GNPTAB: variants seen among roughly 807,000 people sequenced by gnomAD.
GNPTAB encodes N-acetylglucosamine-1-phosphate transferase subunits alpha and beta.
In GNPTAB, 92 loss-of-function variants were observed where a neutral mutation model predicts 136.6. The ratio of observed to expected loss-of-function variants is 0.67; its 90% CI spans 0.57 to 0.80. GNPTAB has a LOEUF of 0.80. GNPTAB is among the 30% of genes least tolerant of loss of function. The pLI, the probability that GNPTAB is intolerant of heterozygous loss-of-function variation, is 0.00. For missense variants in GNPTAB, 1,343 were observed against 1,501.8 expected (o/e 0.89, Z 1.75); for synonymous variants, 512 against 535.1 (o/e 0.96, Z 0.60).
At chr12:101,752,972 G>A (rs1952841939) in intron 19 of GNPTAB, among the ~76,000 whole-genome samples, 1 of 152,114 alleles carries the variant, frequency 6.6e-6, no homozygotes, top group African/African-American at 2.4e-5. Flanking sequence ...AGAAATTTTG[G>A]CCGAGCATGG....
In GNPTAB at chr12:101,746,304, T is replaced by C. The variant is rs568493308; in HGVS notation, c.*860A>G. 1 of 152,308 alleles carries C rather than the reference T, an allele frequency of 6.6e-6. No homozygotes were observed. The highest frequency in any genetic ancestry group is 1.9e-4 in the East Asian group (1 of 5,190). The allele number at this position is 152,308 out of a possible 1,614,324, so 9.4% of individuals were successfully genotyped here. ...TCTATCAAAAACCAACTGAGAGAGA[T>C]AGCTACTGGAATATACCAATGAGTA... On this transcript the variant is annotated 3_prime_UTR_variant, in exon 21 of 21. Coordinates refer to ENST00000299314, the MANE Select transcript of GNPTAB (RefSeq NM_024312.5).
At position 101,773,358 on chromosome 12, in the gene GNPTAB, T is replaced by C. The variant is rs1953210340; in HGVS notation, c.772-2201A>G. The stretch of plus-strand genomic sequence containing the variant: ...AAGCACATTTCCTTGGTATGCAGAA[T>C]GCTCGGATCCTGCTTATACATTTTC... On this transcript the variant is annotated intron_variant, in intron 7 of 20. Coordinates refer to ENST00000299314, the MANE Select transcript of GNPTAB (RefSeq NM_024312.5). The C allele has an allele frequency of 1.3e-5, 4 of 300,684 alleles. 1 individual carries two copies. The highest frequency in any genetic ancestry group is 6.6e-6 in the Non-Finnish European group (1 of 152,014). 18.6% of individuals were successfully genotyped at this position (300,684 alleles called of 1,614,324 possible).
intron 1 of GNPTAB, 47 bp from the exon 2 acceptor site, chr12:101,796,809 G>C (rs1222748120): frequency 8.4e-7 from 1 of 1,184,856 alleles, no homozygotes; most frequent in African/African-American, 1.5e-5. Flanking sequence ...AAGACTAAGA[G>C]TATATAACTT....
In GNPTAB at chr12:101,757,198, A is replaced by G. The variant is rs764517026; in HGVS notation, c.3434+14T>C. 7.5e-7 allele frequency: 1 copy of G among 1,338,534 alleles called. No homozygotes were observed. The highest frequency in any genetic ancestry group is 1.1e-6 in the Non-Finnish European group (1 of 931,718). The allele number at this position is 1,338,534 out of a possible 1,614,324, so 82.9% of individuals were successfully genotyped here. On this transcript the variant is annotated intron_variant, in intron 18 of 20. Coordinates refer to ENST00000299314, the MANE Select transcript of GNPTAB (RefSeq NM_024312.5). ...TTATTTGCATAATTAAAAATTATAT[A>G]TAAAAATCAGTACCTAGGGTTTTTT...
At chr12:101,814,183 C>T (rs528632224) in intron 1 of GNPTAB, among the ~76,000 whole-genome samples, 1 of 152,094 alleles carries the variant, frequency 6.6e-6, no homozygotes, top group African/African-American at 2.4e-5. Flanking sequence ...CCTGTAGTCC[C>T]AGCTACCGGT....
At chr12:101,824,430 A>AT (rs1186690337) in intron 1 of GNPTAB, among the ~76,000 whole-genome samples, 916 of 78,678 alleles carry the variant, frequency 0.012, 12 homozygotes, top group Non-Finnish European at 0.019. Flanking sequence ...ATATATATAT[A>AT]TATTTTCTTT....
At chr12:101,798,242 G>A (rs1869412887) in intron 1 of GNPTAB, among the ~76,000 whole-genome samples, 1 of 152,100 alleles carries the variant, frequency 6.6e-6, no homozygotes, top group African/African-American at 2.4e-5. Flanking sequence ...TGTCGCCCTG[G>A]TGGCTCCTTT....
intron 18 of GNPTAB, 80 bp from the exon 19 acceptor site, chr12:101,753,619 A>C (rs1325426211): frequency 1.8e-6 from 2 of 1,123,180 alleles, no homozygotes; most frequent in Non-Finnish European, 2.7e-6. Flanking sequence ...GATTCCAAAT[A>C]TATTTTAAAT....
intron 1 of GNPTAB, among the ~76,000 whole-genome samples, chr12:101,814,300 GA>G (rs537390944): frequency 9.2e-5 from 13 of 140,998 alleles, no homozygotes; most frequent in South Asian, 2.3e-4. Flanking sequence ...ACCCTGTCTT[GA>G]AAAAAAAAAA....
chr12:101,827,005 C>G (rs7964859), intron 1 of GNPTAB, among the ~76,000 whole-genome samples: 41,098 of 134,330 alleles, frequency 0.31, 6,302 homozygotes, highest in East Asian at 0.63. Context: ...GGCTGGAGTG[C>G]ATGGCACAAT....
intron 1 of GNPTAB, among the ~76,000 whole-genome samples, chr12:101,821,926 G>A (rs188923364): frequency 5.9e-5 from 9 of 152,036 alleles, no homozygotes; most frequent in Non-Finnish European, 1.2e-4. Flanking sequence ...GGTCACCCTG[G>A]GCCTACTCAC....
In GNPTAB at chr12:101,786,115, A is replaced by T. The variant is rs1382005715; in HGVS notation, c.468T>A (p.Ser156=). Residue 156 remains serine, a synonymous_variant, in exon 5 of 21, where the codon TCT becomes TCA. Transcript: ENST00000299314. ...TGGCAGAATGAAAAGAAGGATAAAG[A>T]GATGGCAGGTCCTTCAGGGTGATGT... is the stretch of plus-strand genomic sequence containing the variant. ...PANITLKDLP[S]LYPSFHSASD... 1 of 1,614,002 alleles carries T rather than the reference A, an allele frequency of 6.2e-7. No individual in the cohort carries two copies. The highest frequency in any genetic ancestry group is 8.5e-7 in the Non-Finnish European group (1 of 1,179,974).
chr12:101,752,083 T>C (rs1395374805), intron 19 of GNPTAB, among the ~76,000 whole-genome samples: 1 of 151,952 alleles, frequency 6.6e-6, no homozygotes, highest in Non-Finnish European at 1.5e-5. Context: ...CTAGTGATTA[T>C]TCCCACAGTA....
rs1594210932 is a variant in GNPTAB at position 101,761,288 on chromosome 12, G to A, written c.2974C>T (p.Gln992Ter). 2 of 1,613,958 alleles carry A rather than the reference G, an allele frequency of 1.2e-6. No individual in the cohort carries two copies. Among genetic ancestry groups the A allele is most frequent in the African/African-American group, 2.7e-5 (2 of 74,920 alleles). The change falls in exon 15 of 21, where the codon CAG becomes TAG. Residue 992 changes from glutamine (Q) to a stop codon, truncating the protein, a stop_gained. Transcript: ENST00000299314. LOFTEE classifies it high-confidence loss of function. Reference sequence around the variant, plus strand: ...TAATAAAAATAAGAGAAGGCAAACTGCATATCCTCAGAATGGCGCACTTTG... The same window carrying A: ...TAATAAAAATAAGAGAAGGCAAACTACATATCCTCAGAATGGCGCACTTTG... The part of the protein sequence containing the change: ...FHKVRHSEDM[Q>*]FAFSYFYYLM...
At chr12:101,801,879 CA>C (rs559881952) in intron 1 of GNPTAB, among the ~76,000 whole-genome samples, 2 of 151,060 alleles carry the variant, frequency 1.3e-5, no homozygotes, top group Non-Finnish European at 3.0e-5. Context: ...CTTGTCTCTT[CA>C]AAAAAAAGAA....
At position 101,765,139 on chromosome 12, in the gene GNPTAB, T is replaced by C. The variant is rs188192351; in HGVS notation, c.1778A>G (p.Asn593Ser). Reference protein sequence around the residue: ...NPIIRHASIANKWKTIHLIMH... With the variant: ...NPIIRHASIASKWKTIHLIMH... ...TATGAGGTGGATGGTTTTCCACTTG[T>C]TGGCAATAGAAGCATGTCGAATTAT... The change falls in exon 13 of 21, where the codon AAC (asparagine) becomes AGC (serine). Residue 593 changes from asparagine (N) to serine (S), a missense_variant. Coordinates refer to ENST00000299314, the MANE Select transcript of GNPTAB (RefSeq NM_024312.5). 3 of 1,614,216 alleles carry C rather than the reference T, an allele frequency of 1.9e-6. No homozygotes were observed. The highest frequency in any genetic ancestry group is 1.3e-5 in the African/African-American group (1 of 75,058).
Position 101,771,063 on chromosome 12 carries a change from G to T in GNPTAB, c.866C>A (p.Thr289Asn). Reference sequence around the variant, plus strand: ...TATGGTCAGTTCTTTTCCATCAATGGTCATGTTCTTCTTAGTTTGCTTATT... The same window carrying T: ...TATGGTCAGTTCTTTTCCATCAATGTTCATGTTCTTCTTAGTTTGCTTATT... ...ELNKQTKKNM[T>N]IDGKELTISP... Residue 289 changes from threonine to asparagine, a missense_variant, in exon 8 of 21, where the codon ACC becomes AAC. By Grantham distance (65) the Thr-to-Asn change is moderately conservative. Transcript: ENST00000299314. The T allele has an allele frequency of 6.2e-7, 1 of 1,613,762 alleles. No homozygotes were observed. Among genetic ancestry groups the T allele is most frequent in the Non-Finnish European group, 8.5e-7 (1 of 1,179,752 alleles).
intron 16 of GNPTAB, among the ~76,000 whole-genome samples, chr12:101,759,714 T>C (rs1566070572): frequency 6.6e-6 from 1 of 152,236 alleles, no homozygotes; most frequent in African/African-American, 2.4e-5. Flanking sequence ...GAATATTTCC[T>C]TGATGGTTAA....
rs987345677 is a variant in GNPTAB at position 101,830,797 on chromosome 12, G to A, written c.-122C>T. The A allele has an allele frequency of 6.8e-6, 3 of 440,414 alleles. No individual in the cohort carries two copies. The highest frequency in any genetic ancestry group is 4.3e-5 in the African/African-American group (2 of 46,280). The allele number at this position is 440,414 out of a possible 1,614,324, so 27.3% of individuals were successfully genotyped here. ...CGCCGCGCGCAGGTCACAGCCTCCGGGCGCCGCTCATTGCAGCTCCGGCGA... is the reference window on the plus strand; with the variant it reads ...CGCCGCGCGCAGGTCACAGCCTCCGAGCGCCGCTCATTGCAGCTCCGGCGA... On this transcript the variant is annotated 5_prime_UTR_variant, in exon 1 of 21. Transcript: ENST00000299314.
Sources: gnomAD v4.1 joint callset for allele counts (sites outside exome capture counted in the v4.1 genomes callset) on GRCh38, gnomAD v4.1.1 for gene constraint, MANE v1.5 for transcripts, NCBI Gene and HGNC (gene_info 2026-07-23, HGNC 2026-07-21) for gene names.